ROBO1: variants seen among roughly 807,000 people sequenced by gnomAD.
ROBO1 encodes the protein roundabout guidance receptor 1.
In ROBO1, 149 loss-of-function variants were observed where a neutral mutation model predicts 195.9. The observed-to-expected ratio is 0.76, with a 90% CI of 0.67 to 0.87. The LOEUF is 0.87. Ranked by LOEUF, ROBO1 falls within the 40% of genes least tolerant of loss-of-function variation. ROBO1 has a pLI of 0.00. For missense variants in ROBO1, 1,933 were observed against 2,068.3 expected (o/e 0.93, Z 1.27); for synonymous variants, 816 against 733.2 (o/e 1.11, Z -1.82).
At chr3:79,515,607 TATAG>T in intron 2 of ROBO1, among the ~76,000 whole-genome samples, 1 of 152,336 alleles carries the variant, frequency 6.6e-6, no homozygotes, top group Non-Finnish European at 1.5e-5. Flanking sequence ...TCTCTCTATA[TATAG>T]ATTTACAAAT....
At chr3:79,114,088 T>C (rs2079945294) in intron 3 of ROBO1, among the ~76,000 whole-genome samples, 1 of 152,222 alleles carries the variant, frequency 6.6e-6, no homozygotes, top group African/African-American at 2.4e-5. Context: ...CTGTCTTTCC[T>C]GCCTTCATGT....
chr3:78,992,613 G>A (rs1197129242), intron 3 of ROBO1, among the ~76,000 whole-genome samples: 1 of 152,108 alleles, frequency 6.6e-6, no homozygotes, highest in Non-Finnish European at 1.5e-5. Context: ...GTGAGTCAAG[G>A]TGTGCTGTGG....
chr3:78,758,257 C>T (rs762953511), intron 4 of ROBO1, among the ~76,000 whole-genome samples: 15 of 152,112 alleles, frequency 9.9e-5, no homozygotes, highest in African/African-American at 1.2e-4. Flanking sequence ...CAGTGGCTCA[C>T]GCCTGTAATC....
At chr3:78,690,946 A>C (rs1318533405) in intron 8 of ROBO1, among the ~76,000 whole-genome samples, 2 of 152,168 alleles carry the variant, frequency 1.3e-5, no homozygotes, top group Non-Finnish European at 1.5e-5. Flanking sequence ...ACAAACCCTT[A>C]TGCTAACTAC....
At chr3:79,617,942 C>T (rs930770604) in intron 1 of ROBO1, among the ~76,000 whole-genome samples, 1 of 144,364 alleles carries the variant, frequency 6.9e-6, no homozygotes, top group Non-Finnish European at 1.5e-5. Context: ...AAAAGAACTT[C>T]TGGAAATAAA....
At chr3:79,378,164 T>TCC (rs34815935) in intron 2 of ROBO1, among the ~76,000 whole-genome samples, 3 of 151,632 alleles carry the variant, frequency 2.0e-5, no homozygotes, top group African/African-American at 7.3e-5. Flanking sequence ...ACTCTCTCTC[T>TCC]CTCTCTCTCT....
At chr3:79,347,037 AC>A (rs1437121674) in intron 2 of ROBO1, among the ~76,000 whole-genome samples, 3 of 152,212 alleles carry the variant, frequency 2.0e-5, no homozygotes, top group African/African-American at 7.2e-5. Flanking sequence ...TTTACAAAGT[AC>A]TATATAGTTA....
chr3:78,939,746 CAG>C (rs1488391473), intron 3 of ROBO1, among the ~76,000 whole-genome samples: 3 of 151,318 alleles, frequency 2.0e-5, no homozygotes, highest in Non-Finnish European at 2.9e-5. Flanking sequence ...TACACTTCCC[CAG>C]AGTTTTTATT....
chr3:78,859,737 T>C (rs1256578276), intron 4 of ROBO1, among the ~76,000 whole-genome samples: 1 of 152,106 alleles, frequency 6.6e-6, no homozygotes, highest in Non-Finnish European at 1.5e-5. Context: ...CAGTATGTGA[T>C]AGCAATAAGA....
At chr3:79,063,133 G>A (rs191478575) in intron 3 of ROBO1, among the ~76,000 whole-genome samples, 2 of 151,888 alleles carry the variant, frequency 1.3e-5, no homozygotes, top group Admixed American at 6.6e-5. Flanking sequence ...CATAGCCACA[G>A]AAAATAAATA....
At chr3:79,377,859 A>G (rs1353804543) in intron 2 of ROBO1, among the ~76,000 whole-genome samples, 1 of 152,192 alleles carries the variant, frequency 6.6e-6, no homozygotes, top group African/African-American at 2.4e-5. Flanking sequence ...ACCTAAAACT[A>G]TTTTGAATGT....
At chr3:79,565,119 T>C (rs966028759) in intron 2 of ROBO1, among the ~76,000 whole-genome samples, 1 of 152,108 alleles carries the variant, frequency 6.6e-6, no homozygotes, top group African/African-American at 2.4e-5. Context: ...TTTTAGAGCT[T>C]GAACTATAAA....
intron 20 of ROBO1, 95 bp downstream of exon 20, chr3:78,647,534 A>C (rs1308815075): frequency 2.5e-6 from 3 of 1,209,288 alleles, no homozygotes; most frequent in Non-Finnish European, 2.5e-6. Context: ...CTTTCCCCCA[A>C]CTTACTGCAG....
chr3:79,495,962 C>T (rs1939707374), intron 2 of ROBO1, among the ~76,000 whole-genome samples: 1 of 151,966 alleles, frequency 6.6e-6, no homozygotes, highest in South Asian at 2.1e-4. Context: ...CCTGTAATAC[C>T]AGCACTTTGG....
intron 1 of ROBO1, among the ~76,000 whole-genome samples, chr3:79,682,839 C>T (rs1411398638): frequency 1.3e-5 from 2 of 151,806 alleles, no homozygotes; most frequent in Non-Finnish European, 2.9e-5. Flanking sequence ...TGAAGTTAGC[C>T]AGTAGAAGAG....
At chr3:78,969,798 T>G (rs954390529) in intron 3 of ROBO1, among the ~76,000 whole-genome samples, 2 of 152,240 alleles carry the variant, frequency 1.3e-5, no homozygotes, top group African/African-American at 4.8e-5. Flanking sequence ...GACACAAACT[T>G]AATTTTCCAT....
rs542169844 is a variant in ROBO1 at position 79,403,167 on chromosome 3, T to C, written c.88+186657A>G. On this transcript the variant is annotated intron_variant, in intron 2 of 30. Transcript: ENST00000464233. ...TTTTCTCAGGCAAGAAAAAATGCTG[T>C]AACAAGGCTCGATATTTTAATGCTA... 2.0e-5 allele frequency among the ~76,000 whole-genome samples: 3 copies of C among 152,094 alleles called. No individual in the cohort carries two copies. In the South Asian group the frequency reaches 6.2e-4, roughly 32 times the overall value.
At chr3:78,852,955 T>TA (rs1183513050) in intron 4 of ROBO1, among the ~76,000 whole-genome samples, 1 of 151,956 alleles carries the variant, frequency 6.6e-6, no homozygotes, top group Admixed American at 6.6e-5. Context: ...TTTATGCATA[T>TA]AAAAAAGAAG....
intron 1 of ROBO1, among the ~76,000 whole-genome samples, chr3:79,694,514 G>T (rs979104399): frequency 6.6e-6 from 1 of 151,686 alleles, no homozygotes; most frequent in African/African-American, 2.4e-5. Flanking sequence ...GAAGCAAAAT[G>T]ATTTATACTA....
Sources: gnomAD v4.1 joint callset for allele counts (sites outside exome capture counted in the v4.1 genomes callset) on GRCh38, gnomAD v4.1.1 for gene constraint, MANE v1.5 for transcripts, NCBI Gene and HGNC (gene_info 2026-07-23, HGNC 2026-07-21) for gene names.